The following VPS13B variants were observed in gnomAD, a reference collection of about 807,000 sequenced individuals.
The protein encoded by VPS13B is vacuolar protein sorting 13 homolog B.
A neutral mutation model predicts 426.4 loss-of-function variants in VPS13B; 285 were observed. The observed-to-expected ratio is 0.67, with a 90% confidence interval of 0.61 to 0.74. The LOEUF is 0.74. VPS13B is among the 30% of genes least tolerant of loss of function. VPS13B has a pLI of 0.00. For missense variants in VPS13B, 4,537 were observed against 4,782.6 expected (o/e 0.95, Z 1.51); for synonymous variants, 1,676 against 1,676.4 (o/e 1.00, Z 0.01).
At chr8:99,303,725 C>T (rs540169255) in intron 19 of VPS13B, among the ~76,000 whole-genome samples, 43 of 6,728 alleles carry the variant, frequency 6.4e-3, no homozygotes, top group Non-Finnish European at 0.013. Flanking sequence ...AGTGAGACTC[C>T]GTCTCAAAAA....
chr8:99,865,176 G>A (rs1288864328), intron 58 of VPS13B, among the ~76,000 whole-genome samples: 2 of 152,160 alleles, frequency 1.3e-5, no homozygotes, highest in Non-Finnish European at 2.9e-5. Context: ...CGTTTAGCCT[G>A]CAGTATTGGC....
chr8:99,831,810 G>A (rs113813372), intron 51 of VPS13B, among the ~76,000 whole-genome samples: 1,690 of 152,218 alleles, frequency 0.011, 31 homozygotes, highest in African/African-American at 0.037. Context: ...CAAGTACTAC[G>A]CCATTTTTGT....
intron 47 of VPS13B, 102 bp from the exon 48 acceptor site, chr8:99,819,310 G>T: frequency 1.5e-6 from 2 of 1,359,198 alleles, no homozygotes; most frequent in African/African-American, 1.5e-5. Flanking sequence ...CTACCAAAAA[G>T]GTGTTGGTCT....
intron 17 of VPS13B, among the ~76,000 whole-genome samples, chr8:99,265,197 C>A: frequency 6.6e-6 from 1 of 152,016 alleles, no homozygotes. Flanking sequence ...ATAATATCTG[C>A]CTGTCACATT....
chr8:99,213,210 AATCTAATGTGCTGTAATAGTTCAT>A (rs1390453522), intron 17 of VPS13B, among the ~76,000 whole-genome samples: 1 of 152,198 alleles, frequency 6.6e-6, no homozygotes, highest in African/African-American at 2.4e-5. Flanking sequence ...TTTCTGACAA[AATCTAATGTGCTGTAATAGTTCAT>A]ATTGTTAATA....
chr8:99,672,414 A>G lies in VPS13B; in HGVS notation c.6046+10923A>G, dbSNP rs183342858. ...AGATTGTTTTCTTAGTTTCTTCTTC[A>G]GATAGCTCTCTGTTAGTGTATAGAA... On this transcript the variant is annotated intron_variant, in intron 35 of 61. Coordinates refer to ENST00000357162, the MANE Select transcript of VPS13B (RefSeq NM_152564.5). Among the ~76,000 whole-genome samples the G allele has an allele frequency of 2.6e-4, 39 of 152,206 alleles. No homozygotes were observed. The East Asian group carries it at 5.0e-3, about 20-fold the overall frequency.
chr8:99,743,443 G>T (rs1809877342), intron 39 of VPS13B, among the ~76,000 whole-genome samples: 1 of 151,892 alleles, frequency 6.6e-6, no homozygotes, highest in Admixed American at 6.6e-5. Flanking sequence ...AGCTACCAAT[G>T]ACTTTCTTCA....
intron 36 of VPS13B, among the ~76,000 whole-genome samples, chr8:99,714,106 T>C (rs1200792301): frequency 7.4e-6 from 1 of 135,290 alleles, no homozygotes. Context: ...GCCACTGCAC[T>C]CCAGCCTGTG....
At chr8:99,665,913 A>G (rs1310957969) in intron 35 of VPS13B, among the ~76,000 whole-genome samples, 5 of 152,114 alleles carry the variant, frequency 3.3e-5, no homozygotes, top group Non-Finnish European at 7.4e-5. Context: ...CTTGGGCAGT[A>G]TGGCCATTTT....
intron 18 of VPS13B, 44 bp downstream of exon 18, chr8:99,274,376 A>G (rs201014061): frequency 6.2e-7 from 1 of 1,613,832 alleles, no homozygotes; most frequent in East Asian, 2.2e-5. Flanking sequence ...CCTGTATAGG[A>G]GAATTGGCCT....
intron 17 of VPS13B, chr8:99,209,707 CT>C (rs1293571346): frequency 1.0e-6 from 1 of 981,894 alleles, no homozygotes; most frequent in East Asian, 1.1e-4. Flanking sequence ...GTGCCTGGCC[CT>C]TTATAAATTA....
intron 39 of VPS13B, among the ~76,000 whole-genome samples, chr8:99,748,072 C>T (rs1810189114): frequency 6.6e-6 from 1 of 151,950 alleles, no homozygotes; most frequent in Non-Finnish European, 1.5e-5. Context: ...GAAAAATTTG[C>T]CACCTATAAC....
intron 34 of VPS13B, among the ~76,000 whole-genome samples, chr8:99,645,424 G>A (rs1229650889): frequency 6.6e-6 from 1 of 152,196 alleles, no homozygotes; most frequent in Admixed American, 6.5e-5. Flanking sequence ...TTAACTAGGA[G>A]GCAGAAAACC....
chr8:99,237,593 A>T (rs1319089616), intron 17 of VPS13B, among the ~76,000 whole-genome samples: 1 of 152,154 alleles, frequency 6.6e-6, no homozygotes, highest in Non-Finnish European at 1.5e-5. Flanking sequence ...AGAAAAAATC[A>T]CGAATGTTTT....
At chr8:99,260,246 T>G (rs1246851985) in intron 17 of VPS13B, among the ~76,000 whole-genome samples, 3 of 152,134 alleles carry the variant, frequency 2.0e-5, no homozygotes, top group African/African-American at 7.2e-5. Context: ...AAAGATTCTT[T>G]ATTTCTATCA....
Position 99,642,068 on chromosome 8 carries a change from T to C in VPS13B, c.5478T>C (p.Tyr1826=), listed in dbSNP as rs1300751748. 5.6e-6 allele frequency: 9 copies of C among 1,614,030 alleles called. No homozygotes were observed. The highest frequency in any genetic ancestry group is 7.6e-6 in the Non-Finnish European group (9 of 1,180,020). The change falls in exon 34 of 62, where the codon TAT becomes TAC. Residue 1826 remains tyrosine (Y), a synonymous_variant. Coordinates refer to ENST00000357162, the MANE Select transcript of VPS13B (RefSeq NM_152564.5). ...CAAGTAGAATCTCACTAATGACCTA[T>C]TCCTGTATGGCCTTATCCAAATCGA... The part of the protein sequence containing the change: ...ITASRISLMT[Y]SCMALSKSKS...
At chr8:99,323,012 T>G (rs562282724) in intron 19 of VPS13B, among the ~76,000 whole-genome samples, 1 of 152,306 alleles carries the variant, frequency 6.6e-6, no homozygotes, top group African/African-American at 2.4e-5. Flanking sequence ...CATTGTTTAA[T>G]AATTATCACA....
At chr8:99,077,931 A>G (rs1845223553) in intron 3 of VPS13B, among the ~76,000 whole-genome samples, 1 of 152,140 alleles carries the variant, frequency 6.6e-6, no homozygotes, top group Non-Finnish European at 1.5e-5. Context: ...ACTTGTCTTC[A>G]AGTTTAGAAA....
At chr8:99,080,222 T>G (rs1383841426) in intron 3 of VPS13B, among the ~76,000 whole-genome samples, 1 of 151,930 alleles carries the variant, frequency 6.6e-6, no homozygotes, top group African/African-American at 2.4e-5. Context: ...GTGTCTTTTG[T>G]GTAGAATAGC....
Sources: allele counts gnomAD v4.1 joint callset (sites outside exome capture counted in the v4.1 genomes callset), GRCh38; gene constraint gnomAD v4.1.1; transcripts MANE v1.5; gene names NCBI Gene and HGNC (gene_info 2026-07-23, HGNC 2026-07-21).